Variants in SLC9A9 observed in about 807,000 individuals in gnomAD.
SLC9A9 encodes the protein solute carrier family 9 member A9, also known as sodium/hydrogen exchanger 9.
Under a neutral mutation model 77.8 loss-of-function variants are expected in SLC9A9, and 62 were observed. The ratio of observed to expected loss-of-function variants is 0.80; its 90% CI spans 0.65 to 0.98. The LOEUF is 0.98. Ranked by LOEUF, SLC9A9 falls within the 50% of genes least tolerant of loss-of-function variation. The pLI is 0.00. For synonymous variants in SLC9A9, 320 were observed against 283.5 expected (o/e 1.13, Z -1.29); for missense variants, 775 against 774.9 (o/e 1.00, Z 0.00).
intron 14 of SLC9A9, among the ~76,000 whole-genome samples, chr3:143,357,011 C>A (rs1157592836): frequency 6.6e-6 from 1 of 152,170 alleles, no homozygotes; most frequent in Non-Finnish European, 1.5e-5. Context: ...GCAAGCTGGG[C>A]TCCTCCCTAC....
intron 14 of SLC9A9, among the ~76,000 whole-genome samples, chr3:143,278,962 T>C (rs1205320710): frequency 6.7e-6 from 1 of 148,438 alleles, no homozygotes; most frequent in African/African-American, 2.6e-5. Context: ...TGGAACTAAC[T>C]AACAGGAGTG....
At chr3:143,537,692 G>T (rs1044830579) in intron 9 of SLC9A9, among the ~76,000 whole-genome samples, 2 of 152,146 alleles carry the variant, frequency 1.3e-5, no homozygotes, top group Non-Finnish European at 2.9e-5. Context: ...TCAGCATTCC[G>T]GGGATGGGGT....
chr3:143,564,597 G>A (rs1391271124), intron 8 of SLC9A9, among the ~76,000 whole-genome samples: 1 of 152,094 alleles, frequency 6.6e-6, no homozygotes, highest in Non-Finnish European at 1.5e-5. Context: ...AGAAGTCAAA[G>A]ATTTAACAAA....
At chr3:143,577,581 T>C (rs2037381738) in intron 7 of SLC9A9, among the ~76,000 whole-genome samples, 1 of 152,192 alleles carries the variant, frequency 6.6e-6, no homozygotes, top group African/African-American at 2.4e-5. Context: ...ATCCCAGTCT[T>C]AATGTAGAGC....
intron 5 of SLC9A9, among the ~76,000 whole-genome samples, chr3:143,680,382 A>G (rs1442938808): frequency 6.6e-6 from 1 of 152,138 alleles, no homozygotes; most frequent in Non-Finnish European, 1.5e-5. Context: ...AAAGTTTTTC[A>G]TTGTTTAAAA....
chr3:143,806,889 A>T (rs2008731440), intron 2 of SLC9A9, among the ~76,000 whole-genome samples: 1 of 152,232 alleles, frequency 6.6e-6, no homozygotes, highest in Non-Finnish European at 1.5e-5. Context: ...GAATGTGTAT[A>T]GCACAAAGAA....
chr3:143,445,591 C>T (rs988709901), intron 12 of SLC9A9, among the ~76,000 whole-genome samples: 1 of 152,070 alleles, frequency 6.6e-6, no homozygotes, highest in Non-Finnish European at 1.5e-5. Flanking sequence ...AGAGTCAAGC[C>T]GAGCTGAGCT....
At chr3:143,494,051 ATGAC>A (rs2035793523) in intron 10 of SLC9A9, among the ~76,000 whole-genome samples, 1 of 152,214 alleles carries the variant, frequency 6.6e-6, no homozygotes, top group African/African-American at 2.4e-5. Flanking sequence ...TATATTGCTG[ATGAC>A]TGACTATCCT....
chr3:143,382,589 T>C (rs1197804052), intron 12 of SLC9A9, among the ~76,000 whole-genome samples: 1 of 152,174 alleles, frequency 6.6e-6, no homozygotes, highest in Non-Finnish European at 1.5e-5. Flanking sequence ...CTGTGGAGCC[T>C]GAGGCATATA....
At chr3:143,463,798 T>C (rs557001346) in intron 12 of SLC9A9, among the ~76,000 whole-genome samples, 1 of 152,328 alleles carries the variant, frequency 6.6e-6, no homozygotes, top group African/African-American at 2.4e-5. Flanking sequence ...GAAATTTGAA[T>C]GGTGCTTAGG....
intron 6 of SLC9A9, among the ~76,000 whole-genome samples, chr3:143,612,134 T>C (rs928867802): frequency 6.6e-6 from 1 of 152,208 alleles, no homozygotes; most frequent in East Asian, 1.9e-4. Context: ...CTTGCCCCTA[T>C]AGAGGGTGGG....
chr3:143,486,096 T>C (rs1448741468), intron 11 of SLC9A9, among the ~76,000 whole-genome samples: 1 of 152,046 alleles, frequency 6.6e-6, no homozygotes, highest in African/African-American at 2.4e-5. Flanking sequence ...TCAGAAACTT[T>C]GGAGGTCAGA....
intron 13 of SLC9A9, among the ~76,000 whole-genome samples, chr3:143,365,624 G>T (rs1447529233): frequency 6.6e-6 from 1 of 152,126 alleles, no homozygotes; most frequent in Non-Finnish European, 1.5e-5. Context: ...GGGCCGGAGT[G>T]CCATGCCTTG....
Position 143,392,075 on chromosome 3 carries a change from T to C in SLC9A9, c.1470-9961A>G, listed in dbSNP as rs981747060. Among the ~76,000 whole-genome samples the C allele has an allele frequency of 5.3e-5, 8 of 152,184 alleles. No homozygotes were observed. The South Asian group carries it at 1.2e-3, about 24-fold the overall frequency. On this transcript the variant is annotated intron_variant, in intron 12 of 15. Transcript: ENST00000316549. ...TCCCCAATCTAGCAAGGCAGGCCAA[T>C]ATTCAAATTCAGGAAACACAGAGAA... is the stretch of plus-strand genomic sequence containing the variant.
chr3:143,753,162 T>C (rs990055344), intron 4 of SLC9A9, among the ~76,000 whole-genome samples: 8 of 152,210 alleles, frequency 5.3e-5, no homozygotes, highest in African/African-American at 1.9e-4. Flanking sequence ...TGCTCTGCTT[T>C]TAGAAAGCTC....
At position 143,658,772 on chromosome 3, in the gene SLC9A9, G is replaced by A. The variant is rs562691515; in HGVS notation, c.650-6412C>T. Among the ~76,000 whole-genome samples the A allele has an allele frequency of 2.0e-5, 3 of 152,268 alleles. No homozygotes were observed. The East Asian group carries it at 5.8e-4, about 29-fold the overall frequency. On this transcript the variant is annotated intron_variant, in intron 5 of 15. Transcript: ENST00000316549. ...TAGCAGTCACTGAGAGTAGAAAAAG[G>A]TAACCAGAAGGTCATGCAGTTTGGA...
intron 4 of SLC9A9, 116 bp from the exon 5 acceptor site, chr3:143,693,423 C>T (rs1405445963): frequency 2.4e-6 from 2 of 834,434 alleles, no homozygotes; most frequent in Non-Finnish European, 4.1e-6. Flanking sequence ...CAAATTGCCA[C>T]CATCCTGCCA....
chr3:143,606,488 G>A lies in SLC9A9; in HGVS notation c.756-27765C>T, dbSNP rs141629363. ...TATATAAAACCACTATGAAGGGAAG[G>A]CAGATAATTTAAAAACATTAAAAAG... On this transcript the variant is annotated intron_variant, in intron 6 of 15. Coordinates refer to ENST00000316549, the MANE Select transcript of SLC9A9 (RefSeq NM_173653.4). 4.7e-3 allele frequency among the ~76,000 whole-genome samples: 611 copies of A among 130,362 alleles called. 3 individuals carry two copies. Among genetic ancestry groups the A allele is most frequent in the African/African-American group, 0.015 (534 of 35,236 alleles). The allele number at this position is 130,362 out of a possible 152,430, so 85.5% of individuals were successfully genotyped here.
chr3:143,640,497 A>C (rs1290182872), intron 6 of SLC9A9, among the ~76,000 whole-genome samples: 1 of 152,168 alleles, frequency 6.6e-6, no homozygotes. Context: ...GATAAAATGA[A>C]TGAGGAGCTA....
Sources: gnomAD v4.1 joint callset for allele counts (sites outside exome capture counted in the v4.1 genomes callset) on GRCh38, gnomAD v4.1.1 for gene constraint, MANE v1.5 for transcripts, NCBI Gene and HGNC (gene_info 2026-07-23, HGNC 2026-07-21) for gene names.